The following ACOXL variants were observed in gnomAD, a reference collection of about 807,000 sequenced individuals.
ACOXL encodes acyl-CoA oxidase like.
In ACOXL, 70 loss-of-function variants were observed where a neutral mutation model predicts 71.9. The observed-to-expected ratio is 0.97, with a 90% confidence interval of 0.80 to 1.19. ACOXL has a LOEUF of 1.19. Among genes scored for constraint, ACOXL ranks in the 50% most tolerant of loss-of-function variants. ACOXL has a pLI of 0.00. For synonymous variants in ACOXL, 253 were observed against 281.6 expected (o/e 0.90, Z 1.02); for missense variants, 703 against 736.3 (o/e 0.95, Z 0.52).
chr2:110,978,807 T>A (rs755353248), intron 12 of ACOXL, among the ~76,000 whole-genome samples: 1 of 80,606 alleles, frequency 1.2e-5, no homozygotes. Flanking sequence ...TGTAACAAAC[T>A]AAGTAGAATT....
At chr2:110,799,937 T>C (rs933822937) in intron 7 of ACOXL, among the ~76,000 whole-genome samples, 1 of 151,878 alleles carries the variant, frequency 6.6e-6, no homozygotes, top group Non-Finnish European at 1.5e-5. Flanking sequence ...TAAAATGCAC[T>C]AACCAGCGCC....
At chr2:110,753,621 G>C (rs574217231) in intron 1 of ACOXL, among the ~76,000 whole-genome samples, 1 of 152,288 alleles carries the variant, frequency 6.6e-6, no homozygotes, top group South Asian at 2.1e-4. Context: ...CAATTCTATT[G>C]ATGGACACCA....
chr2:111,057,440 C>T (rs2066599551), intron 16 of ACOXL, among the ~76,000 whole-genome samples: 5 of 152,140 alleles, frequency 3.3e-5, no homozygotes, highest in South Asian at 2.1e-4. Context: ...GAAGACTTTA[C>T]GGGCCTTCCA....
At chr2:110,911,434 A>G (rs1414052887) in intron 11 of ACOXL, among the ~76,000 whole-genome samples, 1 of 152,106 alleles carries the variant, frequency 6.6e-6, no homozygotes, top group East Asian at 1.9e-4. Flanking sequence ...ACTATAGAGC[A>G]ATATCACTTA....
chr2:110,847,164 A>G (rs533230057), intron 10 of ACOXL, among the ~76,000 whole-genome samples: 3 of 151,700 alleles, frequency 2.0e-5, no homozygotes, highest in Non-Finnish European at 2.9e-5. Flanking sequence ...GTGGGGAACA[A>G]TTTCCCCACT....
At chr2:111,056,054 T>C (rs902132061) in intron 16 of ACOXL, among the ~76,000 whole-genome samples, 3 of 152,006 alleles carry the variant, frequency 2.0e-5, no homozygotes, top group African/African-American at 7.3e-5. Flanking sequence ...ACTTGAAGAG[T>C]ATATTCTAAT....
chr2:110,833,258 A>G (rs913506189), intron 9 of ACOXL, among the ~76,000 whole-genome samples: 4 of 152,236 alleles, frequency 2.6e-5, no homozygotes, highest in African/African-American at 4.8e-5. Context: ...GGAATAAACT[A>G]TTGATACACA....
At chr2:110,829,236 T>C (rs1689533880) in intron 9 of ACOXL, among the ~76,000 whole-genome samples, 1 of 152,228 alleles carries the variant, frequency 6.6e-6, no homozygotes, top group Non-Finnish European at 1.5e-5. Flanking sequence ...TAGTTTTCTA[T>C]CTGCTGAACA....
intron 17 of ACOXL, among the ~76,000 whole-genome samples, chr2:111,111,652 G>A (rs1309441487): frequency 1.3e-5 from 2 of 152,140 alleles, no homozygotes; most frequent in African/African-American, 4.8e-5. Flanking sequence ...AATGTCAGAA[G>A]TTCTTATTAA....
At chr2:110,981,133 C>T (rs892733073) in intron 12 of ACOXL, among the ~76,000 whole-genome samples, 6 of 152,108 alleles carry the variant, frequency 3.9e-5, no homozygotes, top group Non-Finnish European at 5.9e-5. Flanking sequence ...GAGGCTGAGG[C>T]GGGTGGATCA....
chr2:110,931,915 C>T lies in ACOXL; in HGVS notation c.906-1574C>T, dbSNP rs1335249424. Among the ~76,000 whole-genome samples the T allele has an allele frequency of 8.5e-5, 13 of 152,180 alleles. No homozygotes were observed. The East Asian group carries it at 2.3e-3, about 27-fold the overall frequency. ...TCTACCGTATGACTGAGCCATTTCA[C>T]TTCAATGTATTTACTCAAGAGAAAT... is the stretch of plus-strand genomic sequence containing the variant. On this transcript the variant is annotated intron_variant, in intron 11 of 17. Transcript: ENST00000439055.
chr2:110,755,546 A>G (rs1679559654), intron 1 of ACOXL, among the ~76,000 whole-genome samples: 1 of 152,218 alleles, frequency 6.6e-6, no homozygotes, highest in Non-Finnish European at 1.5e-5. Context: ...TTTCCGCGGC[A>G]GATTGTCACC....
At chr2:111,088,526 C>T (rs1372188220) in intron 16 of ACOXL, among the ~76,000 whole-genome samples, 2 of 152,148 alleles carry the variant, frequency 1.3e-5, no homozygotes, top group Non-Finnish European at 2.9e-5. Flanking sequence ...CAAGCCAGCC[C>T]AGGAACAGAA....
intron 11 of ACOXL, among the ~76,000 whole-genome samples, chr2:110,917,510 C>A (rs2059909006): frequency 2.0e-5 from 3 of 152,224 alleles, no homozygotes. Flanking sequence ...AGGATGCCCT[C>A]TCTCACCACT....
intron 4 of ACOXL, 85 bp from the exon 5 acceptor site, chr2:110,793,991 C>A: frequency 7.3e-7 from 1 of 1,366,428 alleles, no homozygotes; most frequent in South Asian, 1.2e-5. Flanking sequence ...CCCTCTCTCA[C>A]CACCATTCTT....
At chr2:110,998,075 T>C (rs2063475860) in intron 14 of ACOXL, among the ~76,000 whole-genome samples, 1 of 151,946 alleles carries the variant, frequency 6.6e-6, no homozygotes, top group Admixed American at 6.6e-5. Context: ...AAGCTAAAAA[T>C]ATTTTTTTTT....
rs370868516 is a variant in ACOXL, at chr2:110,892,296, C to T, written c.789-16493C>T. Among the ~76,000 whole-genome samples the T allele has an allele frequency of 9.9e-5, 15 of 152,156 alleles. No individual in the cohort carries two copies. In the South Asian group the frequency reaches 2.1e-3, roughly 21 times the overall value. ...TGAAATCTGGGTGGCAAAGGAAGAACGCCCTGAAATGAAGTCCTGGGAAAC... is the reference window on the plus strand; with the variant it reads ...TGAAATCTGGGTGGCAAAGGAAGAATGCCCTGAAATGAAGTCCTGGGAAAC... On this transcript the variant is annotated intron_variant, in intron 10 of 17. Transcript: ENST00000439055.
rs1171446028 is a variant in ACOXL, at chr2:110,967,776, G to A, written c.1060-19332G>A. Reference sequence around the variant, plus strand: ...AGGATATGAAAGAACTGAAAAACAGGCACTGCTGGGCCTGCAGGTCTCTGT... The same window carrying A: ...AGGATATGAAAGAACTGAAAAACAGACACTGCTGGGCCTGCAGGTCTCTGT... On this transcript the variant is annotated intron_variant, in intron 12 of 17. Coordinates refer to ENST00000439055, the MANE Select transcript of ACOXL (RefSeq NM_001142807.4). The A allele has an allele frequency of 4.8e-6, 3 of 631,558 alleles. No homozygotes were observed. In the African/African-American group the frequency reaches 5.5e-5, roughly 12 times the overall value. 39.1% of individuals were successfully genotyped at this position (631,558 alleles called of 1,614,324 possible). A position where few individuals can be genotyped will look rare whatever the true frequency, so the allele number is the denominator to read the frequency against.
At chr2:111,071,779 C>T (rs1354569384) in intron 16 of ACOXL, among the ~76,000 whole-genome samples, 1 of 152,178 alleles carries the variant, frequency 6.6e-6, no homozygotes, top group Non-Finnish European at 1.5e-5. Context: ...AGGCAAACTC[C>T]CTTCGTTCTG....
Sources: allele counts gnomAD v4.1 joint callset (sites outside exome capture counted in the v4.1 genomes callset), GRCh38; gene constraint gnomAD v4.1.1; transcripts MANE v1.5; gene names NCBI Gene and HGNC (gene_info 2026-07-23, HGNC 2026-07-21).